Variants in ANO1 observed in about 807,000 individuals in gnomAD.
ANO1 encodes the protein anoctamin 1.
Under a neutral mutation model 124.0 loss-of-function variants are expected in ANO1, and 59 were observed. That is an observed-to-expected ratio of 0.48 (90% CI 0.39 to 0.59). The LOEUF (loss-of-function observed/expected upper bound fraction) is 0.59. ANO1 is among the 20% of genes least tolerant of loss of function. The pLI is 0.00. For missense variants in ANO1, 1,059 were observed against 1,328.0 expected (o/e 0.80, Z 3.15); for synonymous variants, 529 against 532.0 (o/e 0.99, Z 0.08).
intron 1 of ANO1, among the ~76,000 whole-genome samples, chr11:70,087,330 A>G (rs2044423566): frequency 6.6e-6 from 1 of 152,178 alleles, no homozygotes; most frequent in East Asian, 1.9e-4. Flanking sequence ...ATTATTATTG[A>G]TGATAGTCCC....
intron 1 of ANO1, among the ~76,000 whole-genome samples, chr11:69,998,480 G>T (rs1856317861): frequency 6.6e-6 from 1 of 152,218 alleles, no homozygotes. Flanking sequence ...CATTGTGTGG[G>T]CGTCCTCATG....
chr11:69,991,863 G>C (rs782740590), intron 1 of ANO1, among the ~76,000 whole-genome samples: 1 of 152,168 alleles, frequency 6.6e-6, no homozygotes, highest in Non-Finnish European at 1.5e-5. Flanking sequence ...GTTGTAGAAG[G>C]GTTCTAATTC....
intron 1 of ANO1, among the ~76,000 whole-genome samples, chr11:70,055,185 T>C (rs1042628780): frequency 6.6e-6 from 1 of 152,174 alleles, no homozygotes; most frequent in Non-Finnish European, 1.5e-5. Flanking sequence ...TGGTAAATGA[T>C]TTTTTGTGCA....
intron 1 of ANO1, among the ~76,000 whole-genome samples, chr11:70,005,297 G>A (rs1289137129): frequency 6.6e-6 from 1 of 152,114 alleles, no homozygotes; most frequent in Non-Finnish European, 1.5e-5. Context: ...GAAGAAGCTG[G>A]GGTTCAGAGA....
the ANO1 span, among the ~76,000 whole-genome samples, chr11:69,969,088 G>A: frequency 6.6e-6 from 1 of 152,210 alleles, no homozygotes; most frequent in Non-Finnish European, 1.5e-5. Flanking sequence ...TTTCTTGGTG[G>A]CTGCTGCCTG....
At chr11:70,185,844 G>C (rs983712124) in intron 25 of ANO1, 149 bp downstream of exon 25, 11 of 875,744 alleles carry the variant, frequency 1.3e-5, no homozygotes, top group Non-Finnish European at 1.9e-5. Flanking sequence ...GACACCCGAG[G>C]AGGGGACTTG....
chr11:70,063,188 G>A (rs1248466519), intron 1 of ANO1, among the ~76,000 whole-genome samples: 1 of 152,132 alleles, frequency 6.6e-6, no homozygotes, highest in Non-Finnish European at 1.5e-5. Context: ...CAAAGTGCTG[G>A]GATTATAGGC....
intron 2 of ANO1, among the ~76,000 whole-genome samples, chr11:70,099,944 C>T (rs1173649765): frequency 6.6e-6 from 1 of 152,202 alleles, no homozygotes; most frequent in Non-Finnish European, 1.5e-5. Flanking sequence ...GATCTGGGCT[C>T]ATCTTGCCGG....
In ANO1 at chr11:70,049,406, A is replaced by G. The variant is rs527938682; in HGVS notation, c.59-29136A>G. On this transcript the variant is annotated intron_variant, in intron 1 of 27. Transcript: ENST00000531349. ...TCCTCATCTGTCAAACGGGGATATG[A>G]TTGTCCCTGACTCAAAAGTTGTCTT... Among the ~76,000 whole-genome samples the G allele has an allele frequency of 4.6e-5, 7 of 152,300 alleles. No homozygotes were observed. The South Asian group carries it at 1.2e-3, about 27-fold the overall frequency.
chr11:70,161,576 G>T (rs1178757059), intron 17 of ANO1, 46 bp from the exon 18 acceptor site: 1 of 1,594,316 alleles, frequency 6.3e-7, no homozygotes, highest in African/African-American at 1.3e-5. Context: ...GGCTGTTGGG[G>T]GCCATCCCAG....
Position 70,115,551 on chromosome 11 carries a change from G to A in ANO1, c.856-907G>A, listed in dbSNP as rs139110675. 1.4e-3 allele frequency among the ~76,000 whole-genome samples: 211 copies of A among 152,236 alleles called. 8 individuals carry two copies. In the East Asian group the frequency reaches 0.032, roughly 23 times the overall value. On this transcript the variant is annotated intron_variant, in intron 7 of 25. Transcript: ENST00000355303. The stretch of plus-strand genomic sequence containing the variant: ...TCACTTGAACCTGGAAGCGAAGGTT[G>A]CAGTGAGCCGAGATCATGCCACTGT...
intron 11 of ANO1, among the ~76,000 whole-genome samples, chr11:70,146,961 C>G (rs61885498): frequency 0.024 from 3,581 of 152,226 alleles, 51 homozygotes; most frequent in Middle Eastern, 0.038. Flanking sequence ...TGCCTCTCCC[C>G]CTCCACTGAC....
At chr11:70,012,691 TCATC>T (rs145576612) in intron 1 of ANO1, among the ~76,000 whole-genome samples, 22 of 150,688 alleles carry the variant, frequency 1.5e-4, no homozygotes, top group South Asian at 8.5e-4. Flanking sequence ...GTCCTTTCCT[TCATC>T]CATCCATCCA....
chr11:69,978,136 G>C, the ANO1 span, among the ~76,000 whole-genome samples: 1 of 152,156 alleles, frequency 6.6e-6, no homozygotes, highest in Non-Finnish European at 1.5e-5. Flanking sequence ...TGCTCCCTGT[G>C]CAAAGAACCC....
At chr11:70,020,449 C>A (rs1178461890) in intron 1 of ANO1, among the ~76,000 whole-genome samples, 2 of 152,212 alleles carry the variant, frequency 1.3e-5, no homozygotes, top group South Asian at 4.1e-4. Context: ...CACCCTCCCC[C>A]AGCCCCTGGG....
intron 1 of ANO1, among the ~76,000 whole-genome samples, chr11:70,057,406 C>T (rs1343892779): frequency 6.6e-6 from 1 of 151,348 alleles, no homozygotes; most frequent in African/African-American, 2.4e-5. Context: ...TAGGACTCCA[C>T]CTCCTTAGAG....
At chr11:70,094,842 A>AT (rs1458359911) in intron 2 of ANO1, among the ~76,000 whole-genome samples, 1 of 152,168 alleles carries the variant, frequency 6.6e-6, no homozygotes, top group Non-Finnish European at 1.5e-5. Context: ...CGCGAAACAG[A>AT]TTGGATGACT....
intron 1 of ANO1, among the ~76,000 whole-genome samples, chr11:70,049,282 T>A (rs1364815983): frequency 1.3e-5 from 2 of 152,188 alleles, no homozygotes; most frequent in African/African-American, 4.8e-5. Flanking sequence ...GGCCAGCCGC[T>A]CTGGCTTTGC....
At chr11:69,994,874 C>G (rs1554998122) in intron 1 of ANO1, among the ~76,000 whole-genome samples, 1 of 152,178 alleles carries the variant, frequency 6.6e-6, no homozygotes, top group East Asian at 1.9e-4. Flanking sequence ...GAGACGGGCT[C>G]ACTTCCAGCC....
Sources: gnomAD v4.1 joint callset for allele counts (sites outside exome capture counted in the v4.1 genomes callset) on GRCh38, gnomAD v4.1.1 for gene constraint, MANE v1.5 for transcripts, NCBI Gene and HGNC (gene_info 2026-07-23, HGNC 2026-07-21) for gene names.